MON2: variants seen among roughly 807,000 people sequenced by gnomAD.
MON2 encodes the protein protein MON2 homolog.
MON2 carries 84 observed loss-of-function variants against 208.6 expected under a neutral mutation model. The ratio of observed to expected loss-of-function variants is 0.40; its 90% CI spans 0.34 to 0.48. MON2 has a LOEUF of 0.48. MON2 is among the 20% of genes least tolerant of loss of function. MON2 has a pLI of 0.59. For missense variants in MON2, 1,611 were observed against 2,015.4 expected, an observed-to-expected ratio of 0.80 and a Z score of 3.84; for synonymous variants, 660 against 694.0, an observed-to-expected ratio of 0.95 and a Z score of 0.77.
intron 25 of MON2, among the ~76,000 whole-genome samples, chr12:62,557,088 GA>G (rs778255391): frequency 0.019 from 2,468 of 130,428 alleles, 33 homozygotes; most frequent in Non-Finnish European, 0.028. Flanking sequence ...ACCCTGTCTC[GA>G]AAAAAAAAAA....
intron 12 of MON2, 46 bp from the exon 13 acceptor site, chr12:62,534,799 G>C (rs752735936): frequency 2.4e-5 from 32 of 1,355,400 alleles, no homozygotes; most frequent in Non-Finnish European, 3.4e-5. Context: ...TACATATTGT[G>C]CTATCTATAA....
At chr12:62,518,490 C>T (rs2071819031) in intron 8 of MON2, among the ~76,000 whole-genome samples, 1 of 152,178 alleles carries the variant, frequency 6.6e-6, no homozygotes, top group Non-Finnish European at 1.5e-5. Context: ...ACTTTTAACC[C>T]CACTACACTT....
rs764996205 is a variant in MON2, at chr12:62,565,396, T to G, written c.4176+16T>G. 2 of 1,578,310 alleles carry G rather than the reference T, an allele frequency of 1.3e-6. No individual in the cohort carries two copies. Among genetic ancestry groups the G allele is most frequent in the South Asian group, 2.3e-5 (2 of 87,970 alleles). On this transcript the variant is annotated intron_variant, in intron 27 of 34. Transcript: ENST00000393630. ...ATATAATCAGGTAATTTACTGTAAA[T>G]TTTATTTACTTTGTAAGATTTCATG...
intron 20 of MON2, among the ~76,000 whole-genome samples, chr12:62,544,462 T>A (rs1215305927): frequency 6.6e-6 from 1 of 151,850 alleles, no homozygotes; most frequent in African/African-American, 2.4e-5. Flanking sequence ...ATAATAATAA[T>A]AAAATAAATA....
intron 7 of MON2, among the ~76,000 whole-genome samples, chr12:62,505,718 G>A (rs1329339783): frequency 2.1e-5 from 3 of 143,776 alleles, no homozygotes; most frequent in African/African-American, 2.6e-5. Context: ...TTGTCTCTAC[G>A]AAAAATTAAA....
chr12:62,575,403 A>G (rs938733057), intron 30 of MON2, among the ~76,000 whole-genome samples: 3 of 152,224 alleles, frequency 2.0e-5, no homozygotes, highest in African/African-American at 7.2e-5. Context: ...AAACTTTTAG[A>G]TTTTAAACCT....
chr12:62,584,857 C>T (rs551555389), intron 32 of MON2, among the ~76,000 whole-genome samples: 35 of 151,684 alleles, frequency 2.3e-4, no homozygotes, highest in African/African-American at 8.0e-4. Flanking sequence ...GCAGAGGTCA[C>T]GTTCCAGGAA....
chr12:62,538,569 A>G, intron 19 of MON2, 64 bp downstream of exon 19: 3 of 1,119,280 alleles, frequency 2.7e-6, no homozygotes, highest in Non-Finnish European at 4.0e-6. Flanking sequence ...TACATCCATT[A>G]TGATCTTAGT....
intron 1 of MON2, chr12:62,470,727 C>A: frequency 8.6e-7 from 1 of 1,164,052 alleles, no homozygotes; most frequent in South Asian, 1.7e-5. Context: ...TCTAACTGAG[C>A]CTGGAAGTTG....
chr12:62,512,143 A>T (rs2071439079), intron 8 of MON2, among the ~76,000 whole-genome samples: 1 of 151,938 alleles, frequency 6.6e-6, no homozygotes, highest in African/African-American at 2.4e-5. Context: ...ACACAACCAA[A>T]CCATATCATT....
intron 14 of MON2, among the ~76,000 whole-genome samples, chr12:62,536,403 C>T (rs904432513): frequency 1.3e-5 from 2 of 152,138 alleles, no homozygotes; most frequent in Middle Eastern, 3.4e-3. Flanking sequence ...GACAGGATCT[C>T]GCTATATTGC....
intron 8 of MON2, among the ~76,000 whole-genome samples, chr12:62,513,002 G>A (rs1466088343): frequency 6.6e-6 from 1 of 152,166 alleles, no homozygotes; most frequent in African/African-American, 2.4e-5. Flanking sequence ...GAGTGGCTGG[G>A]ATGCAGGGGA....
At chr12:62,534,076 G>A (rs2072786211) in intron 12 of MON2, among the ~76,000 whole-genome samples, 1 of 152,126 alleles carries the variant, frequency 6.6e-6, no homozygotes, top group Admixed American at 6.6e-5. Context: ...GAAAGTTTGG[G>A]TTGATGAAGG....
rs576636507 is a variant in MON2, at chr12:62,506,515, A to T, written c.790-1771A>T. ...GGGAGGAGGCTGAGGCAGGCAGATCACCTGAGGTCAGGAGAGCCTGCCCAA... is the reference window on the plus strand; with the variant it reads ...GGGAGGAGGCTGAGGCAGGCAGATCTCCTGAGGTCAGGAGAGCCTGCCCAA... On this transcript the variant is annotated intron_variant, in intron 7 of 34. Coordinates refer to ENST00000393630, the MANE Select transcript of MON2 (RefSeq NM_015026.3). Among the ~76,000 whole-genome samples, 237 of 152,232 alleles carry T rather than the reference A, an allele frequency of 1.6e-3. 4 individuals are homozygous for T. In the South Asian group the frequency reaches 0.047, roughly 31 times the overall value.
At chr12:62,470,191 C>T (rs1373105934) in intron 1 of MON2, among the ~76,000 whole-genome samples, 1 of 152,000 alleles carries the variant, frequency 6.6e-6, no homozygotes, top group Non-Finnish European at 1.5e-5. Context: ...ATAGGCGTAT[C>T]CCAGGCTGCC....
intron 9 of MON2, 61 bp from the exon 10 acceptor site, chr12:62,525,023 G>A: frequency 2.2e-6 from 3 of 1,386,596 alleles, no homozygotes; most frequent in African/African-American, 1.4e-5. Flanking sequence ...GCTATAAAAA[G>A]GTTTACAGTT....
Position 62,484,356 on chromosome 12 carries a change from A to G in MON2, c.175+123A>G, listed in dbSNP as rs958166701. The G allele has an allele frequency of 8.1e-6, 5 of 620,660 alleles. No individual in the cohort carries two copies. The Admixed American group carries it at 1.2e-4, about 15-fold the overall frequency. 38.4% of individuals were successfully genotyped at this position (620,660 alleles called of 1,614,324 possible). On this transcript the variant is annotated intron_variant, in intron 2 of 34. Coordinates refer to ENST00000393630, the MANE Select transcript of MON2 (RefSeq NM_015026.3). ...TCTTCCTCATGCCCTAACATATGCTATTCATAATGAAACAGAATGGGCAAA... is the reference window on the plus strand; with the variant it reads ...TCTTCCTCATGCCCTAACATATGCTGTTCATAATGAAACAGAATGGGCAAA...
At chr12:62,489,122 T>C (rs2069964027) in intron 2 of MON2, among the ~76,000 whole-genome samples, 1 of 152,128 alleles carries the variant, frequency 6.6e-6, no homozygotes, top group Non-Finnish European at 1.5e-5. Flanking sequence ...TCTTAATAAA[T>C]TTCTATAAGT....
chr12:62,479,746 A>G (rs1259344381), intron 1 of MON2, among the ~76,000 whole-genome samples: 1 of 152,196 alleles, frequency 6.6e-6, no homozygotes, highest in African/African-American at 2.4e-5. Context: ...TATCATTTCT[A>G]TTCAAGTCTG....
Sources: allele counts gnomAD v4.1 joint callset (sites outside exome capture counted in the v4.1 genomes callset), GRCh38; gene constraint gnomAD v4.1.1; transcripts MANE v1.5; gene names NCBI Gene and HGNC (gene_info 2026-07-23, HGNC 2026-07-21).